STARD13: variants seen among roughly 807,000 people sequenced by gnomAD.
The protein encoded by STARD13 is StAR related lipid transfer domain containing 13, also known as stAR-related lipid transfer protein 13.
Under a neutral mutation model 106.4 loss-of-function variants are expected in STARD13, and 62 were observed. The observed-to-expected ratio is 0.58, with a 90% CI of 0.48 to 0.72. STARD13 has a LOEUF of 0.72. STARD13 is among the 30% of genes least tolerant of loss of function. STARD13 has a pLI of 0.00. For missense variants in STARD13, 1,387 were observed against 1,424.0 expected (o/e 0.97, Z 0.42); for synonymous variants, 565 against 553.0 (o/e 1.02, Z -0.31).
chr13:33,177,866 GAAGGAAGGA>G (rs1420763462), intron 1 of STARD13, among the ~76,000 whole-genome samples: 1 of 13,450 alleles, frequency 7.4e-5, no homozygotes, highest in African/African-American at 7.4e-4. Flanking sequence ...AGGAAGGAAG[GAAGGAAGGA>G]AAGGAAGGAA....
At chr13:33,225,198 A>G (rs1024642786) in intron 1 of STARD13, among the ~76,000 whole-genome samples, 4 of 152,218 alleles carry the variant, frequency 2.6e-5, no homozygotes, top group African/African-American at 7.2e-5. Context: ...GGTACCAAAT[A>G]AAACATTCAT....
the STARD13 span, among the ~76,000 whole-genome samples, chr13:33,456,908 A>T: frequency 2.0e-5 from 3 of 152,376 alleles, no homozygotes; most frequent in African/African-American, 7.2e-5. Context: ...ACAGTTGAGT[A>T]GTTGAAGCAG....
the STARD13 span, among the ~76,000 whole-genome samples, chr13:33,520,311 C>A: frequency 8.5e-5 from 13 of 152,136 alleles, no homozygotes; most frequent in African/African-American, 2.9e-4. Context: ...TGGCCACATG[C>A]GGTTGTGACT....
chr13:33,563,935 T>A, the STARD13 span, among the ~76,000 whole-genome samples: 20 of 147,574 alleles, frequency 1.4e-4, 3 homozygotes, highest in African/African-American at 4.8e-4. Context: ...CTCATGCCTA[T>A]AATCCCGGCA....
At chr13:33,414,607 A>C in the STARD13 span, among the ~76,000 whole-genome samples, 1 of 152,078 alleles carries the variant, frequency 6.6e-6, no homozygotes, top group African/African-American at 2.4e-5. Context: ...TTACAGAAAG[A>C]AAAGAATTAG....
At chr13:33,559,805 C>T in the STARD13 span, among the ~76,000 whole-genome samples, 2 of 151,370 alleles carry the variant, frequency 1.3e-5, no homozygotes, top group Non-Finnish European at 2.9e-5. Flanking sequence ...TGCAGTGAGC[C>T]AAGATCACGC....
the STARD13 span, among the ~76,000 whole-genome samples, chr13:33,444,838 G>A: frequency 6.6e-6 from 1 of 152,096 alleles, no homozygotes; most frequent in African/African-American, 2.4e-5. Context: ...AGATCCCCCA[G>A]AAAGTGTTAA....
At chr13:33,643,785 A>G in the STARD13 span, among the ~76,000 whole-genome samples, 1 of 152,144 alleles carries the variant, frequency 6.6e-6, no homozygotes, top group African/African-American at 2.4e-5. Flanking sequence ...AACTTCCCCA[A>G]CAACTCTCCT....
chr13:33,119,233 A>G (rs916766690), intron 7 of STARD13, among the ~76,000 whole-genome samples: 1 of 152,182 alleles, frequency 6.6e-6, no homozygotes, highest in East Asian at 1.9e-4. Context: ...TAGTGAAATA[A>G]TATGTCTGCT....
intron 1 of STARD13, among the ~76,000 whole-genome samples, chr13:33,172,033 A>G (rs1884021717): frequency 6.6e-6 from 1 of 152,196 alleles, no homozygotes; most frequent in Non-Finnish European, 1.5e-5. Flanking sequence ...CATGTTTCTT[A>G]ATTATACATG....
At chr13:33,289,668 A>C (rs1892210212), upstream of STARD13, among the ~76,000 whole-genome samples, 1 of 152,146 alleles carries the variant, frequency 6.6e-6, no homozygotes, top group Non-Finnish European at 1.5e-5. Context: ...AATCCTATTT[A>C]ACTGCCTGCG....
At chr13:33,383,069 G>T in the STARD13 span, among the ~76,000 whole-genome samples, 1 of 152,154 alleles carries the variant, frequency 6.6e-6, no homozygotes, top group Admixed American at 6.5e-5. Flanking sequence ...ATTATAAATT[G>T]AAAAATGAAA....
the STARD13 span, among the ~76,000 whole-genome samples, chr13:33,667,151 ATC>A: frequency 6.6e-6 from 1 of 152,206 alleles, no homozygotes; most frequent in Non-Finnish European, 1.5e-5. Flanking sequence ...CATTTCTGTT[ATC>A]TCTGTTTAAG....
intron 3 of STARD13, among the ~76,000 whole-genome samples, chr13:33,153,558 G>A (rs78966998): frequency 0.015 from 2,247 of 152,260 alleles, 53 homozygotes; most frequent in African/African-American, 0.051. Flanking sequence ...CAGCAGGGGC[G>A]TTTGACTCAA....
At chr13:33,360,440 G>C in the STARD13 span, among the ~76,000 whole-genome samples, 1 of 151,766 alleles carries the variant, frequency 6.6e-6, no homozygotes, top group African/African-American at 2.4e-5. Flanking sequence ...TCCTGACCTT[G>C]TGATCCACAC....
chr13:33,223,170 G>C (rs1888444733), intron 1 of STARD13, among the ~76,000 whole-genome samples: 1 of 152,226 alleles, frequency 6.6e-6, no homozygotes. Flanking sequence ...AGGTCTGAGA[G>C]TCTGGAGAAA....
At chr13:33,565,005 GAAAAA>G in the STARD13 span, among the ~76,000 whole-genome samples, 2 of 138,444 alleles carry the variant, frequency 1.4e-5, no homozygotes, top group Non-Finnish European at 3.1e-5. Context: ...AAAAAAAAAA[GAAAAA>G]AAGAAAAAAA....
chr13:33,617,463 AC>A, the STARD13 span, among the ~76,000 whole-genome samples: 1 of 152,184 alleles, frequency 6.6e-6, no homozygotes, highest in African/African-American at 2.4e-5. Flanking sequence ...TTACACTCAC[AC>A]TGTACTACAA....
chr13:33,517,593 A>G, the STARD13 span, among the ~76,000 whole-genome samples: 1 of 152,124 alleles, frequency 6.6e-6, no homozygotes, highest in Non-Finnish European at 1.5e-5. Context: ...TATTCAAGGG[A>G]GTGCATAAAG....
Sources: gnomAD v4.1 joint callset for allele counts (sites outside exome capture counted in the v4.1 genomes callset) on GRCh38, gnomAD v4.1.1 for gene constraint, MANE v1.5 for transcripts, NCBI Gene and HGNC (gene_info 2026-07-23, HGNC 2026-07-21) for gene names.